ZNF208: variants seen among roughly 807,000 people sequenced by gnomAD.
ZNF208 encodes the protein zinc finger protein 208, also known as zinc finger protein 95.
ZNF208 carries 10 observed loss-of-function variants against 12.1 expected under a neutral mutation model. The observed-to-expected ratio is 0.83, with a 90% CI of 0.51 to 1.40. The LOEUF (loss-of-function observed/expected upper bound fraction) is 1.40, where lower values mean the gene tolerates loss of function less well. Among genes scored for constraint, ZNF208 ranks in the 40% most tolerant of loss-of-function variants. The pLI, the probability that ZNF208 is intolerant of heterozygous loss-of-function variation, is 0.00. For missense variants in ZNF208, 1,652 were observed against 1,485.0 expected (o/e 1.11, Z -1.85); for synonymous variants, 497 against 488.4 (o/e 1.02, Z -0.23).
chr19:21,997,753 T>G (rs1970864774), intron 1 of ZNF208: 1 of 154,760 alleles, frequency 6.5e-6, no homozygotes, highest in African/African-American at 2.4e-5. Flanking sequence ...CCTCAGTTTT[T>G]ATTTATAATG....
At position 21,970,914 on chromosome 19, in the gene ZNF208, A is replaced by C. The variant is rs886926146; in HGVS notation, c.*277T>G. ...TAACTGAGGGTTGAGGACCACTTAT[A>C]GGCTTTGCCACATTCTTTGCATTTG... On this transcript the variant is annotated 3_prime_UTR_variant, in exon 4 of 4. Transcript: ENST00000397126. Among the ~76,000 whole-genome samples the C allele has an allele frequency of 5.9e-5, 9 of 151,920 alleles. No homozygotes were observed. The highest frequency in any genetic ancestry group is 1.9e-4 in the East Asian group (1 of 5,154).
chr19:21,984,001 TA>T (rs1185331594), intron 3 of ZNF208, among the ~76,000 whole-genome samples: 4 of 151,774 alleles, frequency 2.6e-5, no homozygotes, highest in Admixed American at 6.6e-5. Context: ...AATCATAATT[TA>T]AAAAAACAGA....
At position 21,971,509 on chromosome 19, in the gene ZNF208, G is replaced by C; in HGVS notation, c.3525C>G (p.Gly1175=). The C allele has an allele frequency of 2.5e-6, 4 of 1,610,676 alleles. No individual in the cohort carries two copies. The highest frequency in any genetic ancestry group is 3.4e-6 in the Non-Finnish European group (4 of 1,179,730). ...GGATTGAGAACATAACAAAGCCTTT[G>C]CCACATTCTTCACATTTGTAGGGTT... ...VEKPYKCEEC[G]KGFVMFSILA... Residue 1175 remains glycine, a synonymous_variant, in exon 4 of 4, where the codon GGC becomes GGG. Transcript: ENST00000397126.
chr19:21,942,741 T>C (rs1217216869), intron 4 of ZNF208, among the ~76,000 whole-genome samples: 5 of 152,110 alleles, frequency 3.3e-5, no homozygotes, highest in Non-Finnish European at 2.9e-5. Flanking sequence ...CTCCGCCTCC[T>C]GGGTTCACAC....
In ZNF208 at chr19:21,966,167, C is replaced by G. The variant is rs1970163209; in HGVS notation, c.*5024G>C. 6.6e-6 allele frequency: 1 copy of G among 152,032 alleles called. No homozygotes were observed. Among genetic ancestry groups the G allele is most frequent in the Non-Finnish European group, 1.5e-5 (1 of 67,976 alleles). 9.4% of individuals were successfully genotyped at this position (152,032 alleles called of 1,614,324 possible). A position where few individuals can be genotyped will look rare whatever the true frequency, so the allele number is the denominator to read the frequency against. On this transcript the variant is annotated 3_prime_UTR_variant, in exon 4 of 4. Transcript: ENST00000397126. ...TGTGCAGATTTGTAAAACAGGTAGACTACATGATGTTGAGGTTTGGATACT... is the reference window on the plus strand; with the variant it reads ...TGTGCAGATTTGTAAAACAGGTAGAGTACATGATGTTGAGGTTTGGATACT...
At chr19:21,987,678 C>G (rs1036080660) in intron 2 of ZNF208, among the ~76,000 whole-genome samples, 3 of 152,138 alleles carry the variant, frequency 2.0e-5, no homozygotes, top group Admixed American at 6.6e-5. Flanking sequence ...GGCCCACCCC[C>G]CAACAGCTGC....
intron 1 of ZNF208, among the ~76,000 whole-genome samples, chr19:22,007,922 T>A (rs1170476959): frequency 6.7e-6 from 1 of 149,754 alleles, no homozygotes; most frequent in African/African-American, 2.5e-5. Context: ...AAGAATCACT[T>A]GAACTCGTGA....
rs1248010683 is a variant in ZNF208, at chr19:21,967,143, G to T, written c.*4048C>A. 1 of 151,666 alleles carries T rather than the reference G, an allele frequency of 6.6e-6. No homozygotes were observed. The highest frequency in any genetic ancestry group is 1.5e-5 in the Non-Finnish European group (1 of 67,932). The allele number at this position is 151,666 out of a possible 1,614,324, so 9.4% of individuals were successfully genotyped here. On this transcript the variant is annotated 3_prime_UTR_variant, in exon 4 of 4. Coordinates refer to ENST00000397126, the MANE Select transcript of ZNF208 (RefSeq NM_007153.3). ...AGTCATAAATTCTTTACAGAGGCCA[G>T]TATTATCTAAGTGTTATTCTAAGAT...
chr19:21,962,495 C>CT (rs548307475), downstream of ZNF208, among the ~76,000 whole-genome samples: 1 of 151,856 alleles, frequency 6.6e-6, no homozygotes, highest in Non-Finnish European at 1.5e-5. Flanking sequence ...TCACCATTTC[C>CT]TTTTTTTCTG....
intron 4 of ZNF208, among the ~76,000 whole-genome samples, chr19:21,946,408 A>G (rs1255279266): frequency 6.6e-6 from 1 of 152,112 alleles, no homozygotes; most frequent in East Asian, 1.9e-4. Flanking sequence ...TTCCCATTCC[A>G]GTTTGTAAAA....
rs995873371 is a variant in ZNF208, at chr19:21,970,229, G to A, written c.*962C>T. Among the ~76,000 whole-genome samples, 13 of 152,150 alleles carry A rather than the reference G, an allele frequency of 8.5e-5. No homozygotes were observed. The highest frequency in any genetic ancestry group is 3.1e-4 in the African/African-American group (13 of 41,450). On this transcript the variant is annotated 3_prime_UTR_variant, in exon 4 of 4. Transcript: ENST00000397126. ...AATTAGCTTATGTCTCTTAAGAATT[G>A]AGGATCTATTAGAGGCTTTCCCACA...
chr19:22,000,301 A>G (rs1970921992), intron 1 of ZNF208, among the ~76,000 whole-genome samples: 1 of 152,228 alleles, frequency 6.6e-6, no homozygotes, highest in Non-Finnish European at 1.5e-5. Context: ...TTGACCACAC[A>G]ATCAGAAACA....
At chr19:21,965,040 AGATTATG>A (rs1970139683), downstream of ZNF208, among the ~76,000 whole-genome samples, 1 of 151,976 alleles carries the variant, frequency 6.6e-6, no homozygotes, top group Non-Finnish European at 1.5e-5. Context: ...TGTATGTTTA[AGATTATG>A]GATACTCTAT....
At chr19:21,989,207 A>G (rs2145568407) in intron 1 of ZNF208, among the ~76,000 whole-genome samples, 1 of 150,450 alleles carries the variant, frequency 6.6e-6, no homozygotes, top group East Asian at 2.0e-4. Flanking sequence ...ATTTAGCATT[A>G]GGTATATCTC....
chr19:21,958,342 A>T (rs111533463), intron 4 of ZNF208, among the ~76,000 whole-genome samples: 14 of 152,178 alleles, frequency 9.2e-5, no homozygotes, highest in African/African-American at 3.4e-4. Context: ...TCAAAAAAAG[A>T]TAGGGATGGG....
intron 1 of ZNF208, among the ~76,000 whole-genome samples, chr19:22,001,150 T>A (rs1369242996): frequency 6.6e-6 from 1 of 152,118 alleles, no homozygotes; most frequent in African/African-American, 2.4e-5. Flanking sequence ...CCAGGCATAG[T>A]GGTGCATGCC....
downstream of ZNF208, among the ~76,000 whole-genome samples, chr19:21,964,264 T>C (rs183442325): frequency 2.5e-3 from 376 of 151,996 alleles, 2 homozygotes; most frequent in African/African-American, 8.3e-3. Flanking sequence ...AATGGCTTGC[T>C]CATTTATAGA....
rs144201655 is a variant in ZNF208 at position 21,948,083 on chromosome 19, C to T, written c.306-14846G>A. Among the ~76,000 whole-genome samples the T allele has an allele frequency of 4.5e-4, 69 of 152,136 alleles. 1 individual carries two copies. Among genetic ancestry groups the T allele is most frequent in the Middle Eastern group, 3.4e-3 (1 of 294 alleles). On this transcript the variant is annotated intron_variant, in intron 4 of 4. Coordinates refer to the ZNF208 transcript ENST00000599916. ...AAGTGGTATGCCCTTTTTCTCTTTCCGCCACACCAAAAAGAGAAAGGGGAC... is the reference window on the plus strand; with the variant it reads ...AAGTGGTATGCCCTTTTTCTCTTTCTGCCACACCAAAAAGAGAAAGGGGAC...
intron 4 of ZNF208, among the ~76,000 whole-genome samples, chr19:21,946,943 CT>C (rs3029009): frequency 8.1e-5 from 12 of 148,704 alleles, no homozygotes; most frequent in African/African-American, 2.2e-4. Context: ...AACTTCCAGT[CT>C]TTTTTTTTTC....
Sources: allele counts gnomAD v4.1 joint callset (sites outside exome capture counted in the v4.1 genomes callset), GRCh38; gene constraint gnomAD v4.1.1; transcripts MANE v1.5; gene names NCBI Gene and HGNC (gene_info 2026-07-23, HGNC 2026-07-21).